The following PHF6 variants were observed in gnomAD, a reference collection of about 807,000 sequenced individuals.
The protein encoded by PHF6 is PHD finger protein 6.
In PHF6, 7 loss-of-function variants were observed where a neutral mutation model predicts 34.0. The observed-to-expected ratio is 0.21, with a 90% confidence interval of 0.12 to 0.39. The LOEUF (loss-of-function observed/expected upper bound fraction) is 0.39. PHF6 is among the 10% of genes least tolerant of loss of function. The probability of loss-of-function intolerance (pLI) is 1.00; values close to 1 mark genes in which losing one functional copy is unlikely to be tolerated. For missense variants in PHF6, 128 were observed against 262.8 expected (o/e 0.49, Z 3.55); for synonymous variants, 89 against 88.4 (o/e 1.01, Z -0.04).
At chrX:134,397,476 C>G (rs1211348616) in intron 5 of PHF6, among the ~76,000 whole-genome samples, 1 of 111,578 alleles carries the variant, frequency 9.0e-6, no homozygotes, top group Non-Finnish European at 1.9e-5. Context: ...TGGTGAAACC[C>G]CGTCTCTACT....
chrX:134,384,501 C>T (rs1489855984), intron 3 of PHF6, among the ~76,000 whole-genome samples: 1 of 111,003 alleles, frequency 9.0e-6, no homozygotes. Context: ...TGTCTTAAAC[C>T]AGTATTCATT....
intron 3 of PHF6, among the ~76,000 whole-genome samples, chrX:134,382,846 A>G (rs1221560317): frequency 9.0e-6 from 1 of 110,663 alleles, no homozygotes; most frequent in Non-Finnish European, 1.9e-5. Flanking sequence ...TCTAATTGGT[A>G]CCGGTGTCAG....
At chrX:134,380,791 T>A (rs1355226004) in intron 3 of PHF6, among the ~76,000 whole-genome samples, 1 of 112,293 alleles carries the variant, frequency 8.9e-6, no homozygotes, top group East Asian at 2.8e-4. Context: ...TATATAGGAT[T>A]TAAGGTGGTG....
chrX:134,380,611 A>G (rs1256443901), intron 3 of PHF6, among the ~76,000 whole-genome samples: 2 of 111,530 alleles, frequency 1.8e-5, no homozygotes, highest in African/African-American at 6.5e-5. Context: ...AATTGAGAAC[A>G]CAAGCTTTAG....
At chrX:134,384,854 T>G (rs2077324712) in intron 3 of PHF6, among the ~76,000 whole-genome samples, 2 of 110,722 alleles carry the variant, frequency 1.8e-5, no homozygotes, top group Admixed American at 1.9e-4. Flanking sequence ...GGTTTCACCG[T>G]GTTAGCCAGG....
At chrX:134,395,446 ACT>A (rs1341813500) in intron 5 of PHF6, among the ~76,000 whole-genome samples, 1 of 111,898 alleles carries the variant, frequency 8.9e-6, no homozygotes, top group Non-Finnish European at 1.9e-5. Flanking sequence ...GTATGCGAAA[ACT>A]CTGATACTGA....
Position 134,426,703 on chromosome X carries a change from T to G in PHF6, c.*1043T>G, listed in dbSNP as rs1274475115. 6.2e-6 allele frequency: 1 copy of G among 160,602 alleles called. No individual in the cohort carries two copies. Among genetic ancestry groups the G allele is most frequent in the Non-Finnish European group, 1.2e-5 (1 of 82,896 alleles). 13.2% of individuals were successfully genotyped at this position (160,602 alleles called of 1,213,427 possible). On this transcript the variant is annotated 3_prime_UTR_variant, in exon 11 of 11. Coordinates refer to ENST00000370803, the MANE Select transcript of PHF6 (RefSeq NM_001015877.2). ...TTTCTTCTTGTAGGGCTTGGTGGTG[T>G]TTTATCGATTGTCAGAATTGTTTTT...
intron 3 of PHF6, among the ~76,000 whole-genome samples, chrX:134,383,361 C>T (rs1320113125): frequency 4.5e-5 from 5 of 111,408 alleles, no homozygotes; most frequent in Non-Finnish European, 9.4e-5. Context: ...GAAATTCATC[C>T]TTCTGTATAA....
intron 3 of PHF6, among the ~76,000 whole-genome samples, chrX:134,389,345 A>G (rs2077344168): frequency 9.0e-6 from 1 of 111,271 alleles, no homozygotes; most frequent in South Asian, 3.8e-4. Context: ...TGTTTCTGTC[A>G]GGTTAACTTT....
chrX:134,406,108 T>TTC (rs1225300413), intron 5 of PHF6, among the ~76,000 whole-genome samples: 1 of 101,180 alleles, frequency 9.9e-6, no homozygotes, highest in East Asian at 2.9e-4. Flanking sequence ...CTTTCTTTCT[T>TTC]TCTTTTTTTT....
At chrX:134,412,194 C>T (rs1243115141) in intron 5 of PHF6, among the ~76,000 whole-genome samples, 2 of 112,400 alleles carry the variant, frequency 1.8e-5, no homozygotes, top group Non-Finnish European at 3.8e-5. Context: ...AAGTTATTCA[C>T]GTGAATTTAT....
Position 134,426,191 on chromosome X carries a change from T to C in PHF6, c.*531T>C, listed in dbSNP as rs746405696. On this transcript the variant is annotated 3_prime_UTR_variant, in exon 11 of 11. Transcript: ENST00000370803. Reference sequence around the variant, plus strand: ...TGCTAAAAATCTCTTCCAAGAAGTATGCTAAAGCTTTTCATTTGGTTCCTG... The same window carrying C: ...TGCTAAAAATCTCTTCCAAGAAGTACGCTAAAGCTTTTCATTTGGTTCCTG... 2.3e-4 allele frequency: 37 copies of C among 158,776 alleles called. No individual in the cohort carries two copies. The highest frequency in any genetic ancestry group is 1.1e-3 in the African/African-American group (36 of 33,193). The allele number at this position is 158,776 out of a possible 1,213,427, so 13.1% of individuals were successfully genotyped here. A position where few individuals can be genotyped will look rare whatever the true frequency, so the allele number is the denominator to read the frequency against.
intron 5 of PHF6, among the ~76,000 whole-genome samples, chrX:134,404,257 T>G (rs2077414048): frequency 1.8e-5 from 2 of 111,941 alleles, no homozygotes; most frequent in Non-Finnish European, 3.8e-5. Flanking sequence ...TGGAAGAAGT[T>G]TATTCCAACC....
intron 7 of PHF6, 52 bp from the exon 8 acceptor site, chrX:134,414,964 T>C: frequency 1.0e-6 from 1 of 986,712 alleles, no homozygotes; most frequent in Non-Finnish European, 1.4e-6. Flanking sequence ...ACATTTAATG[T>C]TTCTCTCATA....
At chrX:134,415,302 C>G (rs1051480572) in intron 8 of PHF6, 182 bp downstream of exon 8, 1 of 719,818 alleles carries the variant, frequency 1.4e-6, no homozygotes, top group Non-Finnish European at 2.1e-6. Context: ...ACTTATTTCT[C>G]TATGTAACTT....
intron 3 of PHF6, among the ~76,000 whole-genome samples, chrX:134,392,831 G>A (rs1235557602): frequency 4.7e-5 from 5 of 105,983 alleles, no homozygotes; most frequent in African/African-American, 1.4e-4. Context: ...ACGGAGTCTC[G>A]CTCTGTTGCC....
At chrX:134,380,207 C>T (rs920230315) in intron 3 of PHF6, among the ~76,000 whole-genome samples, 9 of 101,854 alleles carry the variant, frequency 8.8e-5, no homozygotes, top group Admixed American at 2.2e-4. Flanking sequence ...AGTGCAGTGG[C>T]GTGATCTCGG....
At chrX:134,413,368 G>A (rs1342094954) in intron 5 of PHF6, 123 bp from the exon 6 acceptor site, 1 of 698,462 alleles carries the variant, frequency 1.4e-6, no homozygotes, top group East Asian at 3.2e-5. Context: ...ACATACCACA[G>A]ACCATTTCTC....
At chrX:134,406,062 T>TTCTCTTTCTTTC (rs1556017614) in intron 5 of PHF6, among the ~76,000 whole-genome samples, 27 of 78,076 alleles carry the variant, frequency 3.5e-4, no homozygotes, top group African/African-American at 7.7e-4. Flanking sequence ...TCCTTTTTCT[T>TTCTCTTTCTTTC]TTTCTTTCTT....
Sources: allele counts gnomAD v4.1 joint callset (sites outside exome capture counted in the v4.1 genomes callset), GRCh38; gene constraint gnomAD v4.1.1; transcripts MANE v1.5; gene names NCBI Gene and HGNC (gene_info 2026-07-23, HGNC 2026-07-21).